The following NBEA variants were observed in gnomAD, a reference collection of about 807,000 sequenced individuals.
The protein encoded by NBEA is lysosomal-trafficking regulator 2.
Under a neutral mutation model 343.4 loss-of-function variants are expected in NBEA, and 44 were observed. That is an observed-to-expected ratio of 0.13 (90% confidence interval 0.10 to 0.16). The LOEUF is 0.16. Ranked by LOEUF, NBEA falls within the 10% of genes least tolerant of loss-of-function variation. The probability of loss-of-function intolerance (pLI) is 1.00; values close to 1 mark genes in which losing one functional copy is unlikely to be tolerated. For synonymous variants in NBEA, 1,175 were observed against 1,238.7 expected (o/e 0.95, Z 1.08); for missense variants, 2,555 against 3,631.3 (o/e 0.70, Z 7.62).
chr13:35,111,016 T>G, intron 13 of NBEA, 38 bp downstream of exon 13: 1 of 1,516,252 alleles, frequency 6.6e-7, no homozygotes, highest in Non-Finnish European at 9.0e-7. Context: ...CATTTGCCTA[T>G]GATTATTCTG....
chr13:35,159,704 T>G lies in NBEA; in HGVS notation c.3533T>G (p.Leu1178Arg). The G allele has an allele frequency of 6.2e-7, 1 of 1,613,078 alleles. No individual in the cohort carries two copies. Among genetic ancestry groups the G allele is most frequent in the Non-Finnish European group, 8.5e-7 (1 of 1,179,546 alleles). ...AATATTCAGGACACACAAGTACATC[T>G]TGGTGTTAGTGATGATCTTGGATTG... is the stretch of plus-strand genomic sequence containing the variant. ...IPNIQDTQVH[L>R]GVSDDLGLLA... Residue 1178 changes from leucine to arginine, a missense_variant, in exon 22 of 59, where the codon CTT (leucine) becomes CGT (arginine). Coordinates refer to ENST00000379939, the MANE Select transcript of NBEA (RefSeq NM_001385012.1).
chr13:35,251,624 C>T, intron 34 of NBEA: 1 of 1,132,790 alleles, frequency 8.8e-7, no homozygotes, highest in Non-Finnish European at 1.1e-6. Flanking sequence ...GCAGAGATGG[C>T]CAGATTTGAG....
chr13:35,338,487 A>G (rs1158582566), intron 36 of NBEA, among the ~76,000 whole-genome samples: 1 of 152,056 alleles, frequency 6.6e-6, no homozygotes, highest in African/African-American at 2.4e-5. Context: ...CCAACAAAGA[A>G]AAATTCATTA....
chr13:34,976,349 A>C (rs1393645275), intron 1 of NBEA, among the ~76,000 whole-genome samples: 1 of 152,074 alleles, frequency 6.6e-6, no homozygotes, highest in East Asian at 1.9e-4. Context: ...ATATGTTCTC[A>C]CTCATATGTG....
chr13:34,956,089 G>C (rs1040176563), intron 1 of NBEA, among the ~76,000 whole-genome samples: 1 of 152,022 alleles, frequency 6.6e-6, no homozygotes, highest in Non-Finnish European at 1.5e-5. Context: ...GCACATGGTA[G>C]GCATTTAATA....
chr13:34,997,567 G>T lies in NBEA; in HGVS notation c.295-43366G>T, dbSNP rs537401695. Among the ~76,000 whole-genome samples the T allele has an allele frequency of 7.9e-5, 12 of 152,244 alleles. No individual in the cohort carries two copies. The South Asian group carries it at 2.5e-3, about 32-fold the overall frequency. The stretch of plus-strand genomic sequence containing the variant: ...TCAGTAATTTATGAGTTACAGACAT[G>T]ATATCCCTTATATTTTTGCATAATA... On this transcript the variant is annotated intron_variant, in intron 1 of 58. Transcript: ENST00000379939.
At chr13:35,624,794 G>A (rs935623457) in intron 48 of NBEA, among the ~76,000 whole-genome samples, 1 of 151,828 alleles carries the variant, frequency 6.6e-6, no homozygotes, top group East Asian at 1.9e-4. Flanking sequence ...GAAAAATATA[G>A]AAAGCTGGGC....
chr13:35,662,538 A>G (rs918395256), intron 55 of NBEA, among the ~76,000 whole-genome samples: 6 of 152,226 alleles, frequency 3.9e-5, no homozygotes, highest in Non-Finnish European at 8.8e-5. Context: ...TTCCCAACTC[A>G]GAAAGCCTGG....
chr13:35,116,652 A>T (rs1414807116), intron 13 of NBEA, among the ~76,000 whole-genome samples: 1 of 152,106 alleles, frequency 6.6e-6, no homozygotes, highest in East Asian at 1.9e-4. Context: ...TGCTTTTAAA[A>T]CTTGTAAAGC....
intron 1 of NBEA, among the ~76,000 whole-genome samples, chr13:35,016,180 G>A (rs1178583777): frequency 6.6e-6 from 1 of 151,966 alleles, no homozygotes; most frequent in Non-Finnish European, 1.5e-5. Flanking sequence ...TGATGTGATT[G>A]AGTTTATTTC....
intron 45 of NBEA, among the ~76,000 whole-genome samples, chr13:35,581,611 T>C (rs2081039745): frequency 6.6e-6 from 1 of 151,706 alleles, no homozygotes; most frequent in African/African-American, 2.4e-5. Flanking sequence ...GAAATCATCA[T>C]TCTCAGTAAA....
At chr13:35,351,746 T>C (rs9315337) in intron 37 of NBEA, among the ~76,000 whole-genome samples, 2,408 of 152,098 alleles carry the variant, frequency 0.016, 54 homozygotes, top group African/African-American at 0.055. Flanking sequence ...ATTCATGAAA[T>C]GGAAAATATA....
intron 30 of NBEA, among the ~76,000 whole-genome samples, chr13:35,194,939 G>A (rs1300029183): frequency 6.6e-6 from 1 of 152,024 alleles, no homozygotes; most frequent in Non-Finnish European, 1.5e-5. Context: ...GAATGAGCAT[G>A]AGTATTCCAA....
chr13:35,664,298 A>G (rs980946836), intron 55 of NBEA, among the ~76,000 whole-genome samples: 12 of 152,178 alleles, frequency 7.9e-5, no homozygotes, highest in African/African-American at 2.7e-4. Flanking sequence ...CACCAAGACC[A>G]AAGTACAGAG....
At chr13:34,976,291 C>T (rs1163523886) in intron 1 of NBEA, among the ~76,000 whole-genome samples, 1 of 152,152 alleles carries the variant, frequency 6.6e-6, no homozygotes, top group African/African-American at 2.4e-5. Context: ...GATGGACTTG[C>T]AGACTATTAT....
intron 38 of NBEA, among the ~76,000 whole-genome samples, chr13:35,397,370 C>G (rs2042794236): frequency 6.6e-6 from 1 of 152,144 alleles, no homozygotes; most frequent in Admixed American, 6.6e-5. Context: ...AGAGGCTTTC[C>G]CCAACCATAC....
chr13:35,090,594 T>C (rs1338262105), intron 10 of NBEA, among the ~76,000 whole-genome samples: 1 of 151,936 alleles, frequency 6.6e-6, no homozygotes, highest in Admixed American at 6.6e-5. Context: ...ACTGATGTGA[T>C]GCTATATGCC....
intron 30 of NBEA, among the ~76,000 whole-genome samples, chr13:35,195,188 C>T (rs1233835872): frequency 1.3e-5 from 2 of 152,026 alleles, no homozygotes; most frequent in African/African-American, 4.8e-5. Flanking sequence ...AAGAATTTCT[C>T]TTCTATGATT....
intron 38 of NBEA, among the ~76,000 whole-genome samples, chr13:35,386,714 A>T (rs1345956382): frequency 1.3e-5 from 2 of 152,312 alleles, no homozygotes; most frequent in East Asian, 3.9e-4. Flanking sequence ...CCATCAAGGC[A>T]AACAAACCTG....
Sources: gnomAD v4.1 joint callset for allele counts (sites outside exome capture counted in the v4.1 genomes callset) on GRCh38, gnomAD v4.1.1 for gene constraint, MANE v1.5 for transcripts, NCBI Gene and HGNC (gene_info 2026-07-23, HGNC 2026-07-21) for gene names.